AGPAT4: variants seen among roughly 807,000 people sequenced by gnomAD.
AGPAT4 encodes the protein 1-acylglycerol-3-phosphate O-acyltransferase 4.
In AGPAT4, 15 loss-of-function variants were observed where a neutral mutation model predicts 48.0. That is an observed-to-expected ratio of 0.31 (90% CI 0.21 to 0.48). The LOEUF (loss-of-function observed/expected upper bound fraction) is 0.48. Among genes scored for constraint, AGPAT4 ranks in the 20% least tolerant of loss-of-function variants. The pLI is 0.99. For missense variants in AGPAT4, 314 were observed against 482.5 expected (o/e 0.65, Z 3.27); for synonymous variants, 178 against 198.7 (o/e 0.90, Z 0.88).
rs1020859140 is a variant in AGPAT4 at position 161,165,655 on chromosome 6, A to G, written c.348+593T>C. ...CACGCTGCAGTGTGTTGAAGACGAC[A>G]AAAGTCAACTGAAGAGACCCAGTTC... is the stretch of plus-strand genomic sequence containing the variant. On this transcript the variant is annotated intron_variant, in intron 3 of 8. Coordinates refer to ENST00000320285, the MANE Select transcript of AGPAT4 (RefSeq NM_020133.3). The surrounding 1 kb of genome is among the most constrained non-coding windows in gnomAD (Gnocchi z 5.5). 7.7e-7 allele frequency: 1 copy of G among 1,305,684 alleles called. No homozygotes were observed. Among genetic ancestry groups the G allele is most frequent in the Non-Finnish European group, 1.0e-6 (1 of 990,166 alleles). The allele number at this position is 1,305,684 out of a possible 1,614,324, so 80.9% of individuals were successfully genotyped here. A position where few individuals can be genotyped will look rare whatever the true frequency, so the allele number is the denominator to read the frequency against.
intron 2 of AGPAT4, among the ~76,000 whole-genome samples, chr6:161,194,739 A>G (rs1436842066): frequency 2.6e-5 from 4 of 151,950 alleles, no homozygotes; most frequent in South Asian, 4.1e-4. Flanking sequence ...GTGTGTGTGT[A>G]TTTGCATGTC....
rs186667752 is a variant in AGPAT4, at chr6:161,220,151, C to G, written c.178+11885G>C. ...GGATATTTAATGTGCTTCCAATCAC[C>G]AGGTATGTCAGCCACACAGCCTGCG... On this transcript the variant is annotated intron_variant, in intron 2 of 8. Coordinates refer to ENST00000320285, the MANE Select transcript of AGPAT4 (RefSeq NM_020133.3). The surrounding 1 kb of genome is among the most constrained non-coding windows in gnomAD (Gnocchi z 6.0). Among the ~76,000 whole-genome samples, 1 of 152,248 alleles carries G rather than the reference C, an allele frequency of 6.6e-6. No individual in the cohort carries two copies. Among genetic ancestry groups the G allele is most frequent in the East Asian group, 1.9e-4 (1 of 5,188 alleles).
chr6:161,160,188 C>T (rs1486844035), intron 3 of AGPAT4: 1 of 133,390 alleles, frequency 7.5e-6, no homozygotes, highest in Non-Finnish European at 1.5e-5. Flanking sequence ...TCTCAAATTC[C>T]TGACCTCAGG....
chr6:161,217,315 T>C lies in AGPAT4; in HGVS notation c.178+14721A>G, dbSNP rs571202652. On this transcript the variant is annotated intron_variant, in intron 2 of 8. Coordinates refer to ENST00000320285, the MANE Select transcript of AGPAT4 (RefSeq NM_020133.3). This position sits in a 1 kb window ranked among gnomAD's most constrained non-coding sequence, Gnocchi z 4.9. ...GTACATGGTAACAGAAGGTGCTCAA[T>C]AGATGTCTACCAAGTTGAATGAAAG... is the stretch of plus-strand genomic sequence containing the variant. 3.9e-5 allele frequency among the ~76,000 whole-genome samples: 6 copies of C among 152,312 alleles called. No individual in the cohort carries two copies. Among genetic ancestry groups the C allele is most frequent in the Admixed American group, 3.3e-4 (5 of 15,302 alleles).
chr6:161,135,136 G>C lies in AGPAT4; in HGVS notation c.*1404C>G, dbSNP rs1779024816. ...AAATAGCCAAAAACATAACTGCATA[G>C]AATAGGCCTTATAATGTGTGGCCAG... is the stretch of plus-strand genomic sequence containing the variant. On this transcript the variant is annotated 3_prime_UTR_variant, in exon 9 of 9. Transcript: ENST00000320285. 6.6e-6 allele frequency: 1 copy of C among 152,212 alleles called. No individual in the cohort carries two copies. The highest frequency in any genetic ancestry group is 1.5e-5 in the Non-Finnish European group (1 of 68,036). The allele number at this position is 152,212 out of a possible 1,614,324, so 9.4% of individuals were successfully genotyped here.
rs1782641604 is a variant in AGPAT4 at position 161,246,194 on chromosome 6, A to G, written c.-89-13892T>C. On this transcript the variant is annotated intron_variant, in intron 1 of 8. Coordinates refer to ENST00000320285, the MANE Select transcript of AGPAT4 (RefSeq NM_020133.3). This position sits in a 1 kb window ranked among gnomAD's most constrained non-coding sequence, Gnocchi z 5.5. ...CAAGCTCAGAGCAAAAGATGCTTGG[A>G]GAAGTGATGAGGTTCTTTCCAACTT... Among the ~76,000 whole-genome samples, 1 of 152,178 alleles carries G rather than the reference A, an allele frequency of 6.6e-6. No homozygotes were observed. The highest frequency in any genetic ancestry group is 1.5e-5 in the Non-Finnish European group (1 of 68,020).
chr6:161,153,764 G>A (rs955178368), intron 4 of AGPAT4, among the ~76,000 whole-genome samples: 2 of 148,100 alleles, frequency 1.4e-5, no homozygotes, highest in Non-Finnish European at 3.0e-5. Context: ...ATCACACAGG[G>A]CCCCATGGTT....
chr6:161,199,991 C>T (rs1781182041), intron 2 of AGPAT4, among the ~76,000 whole-genome samples: 1 of 152,170 alleles, frequency 6.6e-6, no homozygotes, highest in Non-Finnish European at 1.5e-5. Flanking sequence ...CCTTAAAAGG[C>T]TCCCAGAGGC....
chr6:161,199,039 A>C (rs576916197), intron 2 of AGPAT4, among the ~76,000 whole-genome samples: 1 of 152,072 alleles, frequency 6.6e-6, no homozygotes, highest in Non-Finnish European at 1.5e-5. Flanking sequence ...GAACATCTGG[A>C]TATAACAGAA....
chr6:161,250,239 G>C (rs1782770392), intron 1 of AGPAT4, among the ~76,000 whole-genome samples: 1 of 152,082 alleles, frequency 6.6e-6, no homozygotes, highest in African/African-American at 2.4e-5. Flanking sequence ...ATAACTAAGA[G>C]GTAGTAGCTT....
At chr6:161,152,159 G>T (rs956660383) in intron 5 of AGPAT4, among the ~76,000 whole-genome samples, 7 of 152,228 alleles carry the variant, frequency 4.6e-5, no homozygotes, top group African/African-American at 1.7e-4. Context: ...ACACTGTGTG[G>T]AGTACATGGC....
chr6:161,165,698 C>T lies in AGPAT4; in HGVS notation c.348+550G>A, dbSNP rs1483414115. The stretch of plus-strand genomic sequence containing the variant: ...CCCAGTTCCAAAGGCATGCAAGCTA[C>T]GTGCAAGAGGTCAAACTAGTTGGGA... On this transcript the variant is annotated intron_variant, in intron 3 of 8. Transcript: ENST00000320285. The surrounding 1 kb of genome is among the most constrained non-coding windows in gnomAD (Gnocchi z 5.5). The T allele has an allele frequency of 9.6e-6, 11 of 1,142,630 alleles. No individual in the cohort carries two copies. Among genetic ancestry groups the T allele is most frequent in the Admixed American group, 9.2e-5 (4 of 43,408 alleles). 70.8% of individuals were successfully genotyped at this position (1,142,630 alleles called of 1,614,324 possible). A position where few individuals can be genotyped will look rare whatever the true frequency, so the allele number is the denominator to read the frequency against.
At position 161,255,437 on chromosome 6, in the gene AGPAT4, T is replaced by C. The variant is rs776064231; in HGVS notation, c.-90+18501A>G. Reference sequence around the variant, plus strand: ...TTGTACACCCACGTTCACGGCAGCGTTGCTCTCGATAGCCAAAGGCCGAAA... The same window carrying C: ...TTGTACACCCACGTTCACGGCAGCGCTGCTCTCGATAGCCAAAGGCCGAAA... On this transcript the variant is annotated intron_variant, in intron 1 of 8. Coordinates refer to ENST00000320285, the MANE Select transcript of AGPAT4 (RefSeq NM_020133.3). The surrounding 1 kb of genome is among the most constrained non-coding windows in gnomAD (Gnocchi z 4.7). Among the ~76,000 whole-genome samples the C allele has an allele frequency of 6.6e-6, 1 of 152,184 alleles. No homozygotes were observed. The highest frequency in any genetic ancestry group is 1.5e-5 in the Non-Finnish European group (1 of 68,034).
At position 161,171,440 on chromosome 6, in the gene AGPAT4, T is replaced by C. The variant is rs1167534250; in HGVS notation, c.179-5023A>G. On this transcript the variant is annotated intron_variant, in intron 2 of 8. Transcript: ENST00000320285. This position sits in a 1 kb window ranked among gnomAD's most constrained non-coding sequence, Gnocchi z 4.4. ...CAGAAGGCAGAAGGGCAAGCAAGCA[T>C]GTACTCAAGTGAGAGAAATAAGGGA... is the stretch of plus-strand genomic sequence containing the variant. Among the ~76,000 whole-genome samples, 1 of 152,184 alleles carries C rather than the reference T, an allele frequency of 6.6e-6. No homozygotes were observed. The highest frequency in any genetic ancestry group is 2.4e-5 in the African/African-American group (1 of 41,446).
Position 161,234,116 on chromosome 6 carries a change from C to T in AGPAT4, c.-89-1814G>A, listed in dbSNP as rs1782201788. Among the ~76,000 whole-genome samples, 1 of 152,272 alleles carries T rather than the reference C, an allele frequency of 6.6e-6. No homozygotes were observed. The highest frequency in any genetic ancestry group is 6.5e-5 in the Admixed American group (1 of 15,290). ...TTTGGCAGAGCAGCCCAGAAATTCCCCCAAGGGCAGAAGACAGCACAGCTT... is the reference window on the plus strand; with the variant it reads ...TTTGGCAGAGCAGCCCAGAAATTCCTCCAAGGGCAGAAGACAGCACAGCTT... On this transcript the variant is annotated intron_variant, in intron 1 of 8. Coordinates refer to ENST00000320285, the MANE Select transcript of AGPAT4 (RefSeq NM_020133.3). The surrounding 1 kb of genome is among the most constrained non-coding windows in gnomAD (Gnocchi z 4.4).
chr6:161,136,618 T>C lies in AGPAT4; in HGVS notation c.1059A>G (p.Arg353=). The C allele has an allele frequency of 6.2e-7, 1 of 1,614,084 alleles. No individual in the cohort carries two copies. The highest frequency in any genetic ancestry group is 8.5e-7 in the Non-Finnish European group (1 of 1,179,996). ...LVFFVASVGV[R]WMIGVTEIDK... is the part of the protein sequence containing the mutation. Reference sequence around the variant, plus strand: ...CAATTTCCGTCACACCAATCATCCATCGAACTCCCACGGAGGCTGCAGAGA... The same window carrying C: ...CAATTTCCGTCACACCAATCATCCACCGAACTCCCACGGAGGCTGCAGAGA... The change falls in exon 9 of 9, where the codon CGA becomes CGG. Residue 353 remains arginine, a synonymous_variant. Transcript: ENST00000320285.
rs1002758916 is a variant in AGPAT4, at chr6:161,154,737, A to G, written c.349-427T>C. On this transcript the variant is annotated intron_variant, in intron 3 of 8. Transcript: ENST00000320285. The surrounding 1 kb of genome is among the most constrained non-coding windows in gnomAD (Gnocchi z 7.8). ...TCTGCAGATCTCACTGAGTTTTGTG[A>G]TATTACAAAATATAGTAATTCTTGA... is the stretch of plus-strand genomic sequence containing the variant. Among the ~76,000 whole-genome samples, 1 of 152,234 alleles carries G rather than the reference A, an allele frequency of 6.6e-6. No homozygotes were observed. The highest frequency in any genetic ancestry group is 2.4e-5 in the African/African-American group (1 of 41,468).
rs1778984714 is a variant in AGPAT4, at chr6:161,133,995, A to C, written c.*2545T>G. ...TGAACATGGGTGAAGGTATTTGAGG[A>C]GGCGTGATGAGCTTCCGTCCAGGAG... On this transcript the variant is annotated 3_prime_UTR_variant, in exon 9 of 9. Coordinates refer to ENST00000320285, the MANE Select transcript of AGPAT4 (RefSeq NM_020133.3). 2 of 152,134 alleles carry C rather than the reference A, an allele frequency of 1.3e-5. No homozygotes were observed. Among genetic ancestry groups the C allele is most frequent in the Admixed American group, 1.3e-4 (2 of 15,270 alleles). The allele number at this position is 152,134 out of a possible 1,614,324, so 9.4% of individuals were successfully genotyped here.
rs555086522 is a variant in AGPAT4 at position 161,242,111 on chromosome 6, A to G, written c.-89-9809T>C. ...AGCATCAGTATAAAAAATGTTTAGC[A>G]TATATTATCCCATTAGTTCTCACAA... On this transcript the variant is annotated intron_variant, in intron 1 of 8. Coordinates refer to ENST00000320285, the MANE Select transcript of AGPAT4 (RefSeq NM_020133.3). This position sits in a 1 kb window ranked among gnomAD's most constrained non-coding sequence, Gnocchi z 5.0. 9.8e-5 allele frequency among the ~76,000 whole-genome samples: 15 copies of G among 152,324 alleles called. No individual in the cohort carries two copies. Among genetic ancestry groups the G allele is most frequent in the African/African-American group, 3.4e-4 (14 of 41,580 alleles).
Sources: allele counts gnomAD v4.1 joint callset (sites outside exome capture counted in the v4.1 genomes callset), GRCh38; gene constraint gnomAD v4.1.1; non-coding constraint Gnocchi (gnomAD v3.1); transcripts MANE v1.5; gene names NCBI Gene and HGNC (gene_info 2026-07-23, HGNC 2026-07-21).